Variants in TRAPPC13 observed in about 807,000 individuals in gnomAD.
TRAPPC13 encodes trafficking protein particle complex subunit 13, also known as REV7-interacting novel NHEJ regulator 1.
TRAPPC13 carries 39 observed loss-of-function variants against 54.0 expected under a neutral mutation model. The observed-to-expected ratio is 0.72, with a 90% CI of 0.56 to 0.94. The LOEUF (loss-of-function observed/expected upper bound fraction) is 0.94, where lower values mean the gene tolerates loss of function less well. Among genes scored for constraint, TRAPPC13 ranks in the 40% least tolerant of loss-of-function variants. TRAPPC13 has a pLI of 0.00. For synonymous variants in TRAPPC13, 148 were observed against 167.7 expected (o/e 0.88, Z 0.91); for missense variants, 386 against 488.1 (o/e 0.79, Z 1.97).
At chr5:65,635,208 G>A in intron 1 of TRAPPC13, 93 bp from the exon 2 acceptor site, 3 of 1,039,446 alleles carry the variant, frequency 2.9e-6, no homozygotes, top group Non-Finnish European at 2.8e-6. Context: ...TTTTATGTTA[G>A]TATAAAATGG....
At chr5:65,631,470 C>T (rs993171576) in intron 1 of TRAPPC13, among the ~76,000 whole-genome samples, 1 of 152,108 alleles carries the variant, frequency 6.6e-6, no homozygotes, top group African/African-American at 2.4e-5. Context: ...ATAGTTTTGT[C>T]ACCCATGTAA....
In TRAPPC13 at chr5:65,629,625, A is replaced by C. The variant is rs1263778895; in HGVS notation, c.46+4519A>C. 2.0e-6 allele frequency: 3 copies of C among 1,535,726 alleles called. No individual in the cohort carries two copies. In the Admixed American group the frequency reaches 5.9e-5, roughly 30 times the overall value. ...GTAATATTACATTATCGACCATGTG[A>C]GAGTGATCCCACACAACTGCCAAAA... On this transcript the variant is annotated intron_variant, in intron 1 of 12. Coordinates refer to ENST00000399438, the MANE Select transcript of TRAPPC13 (RefSeq NM_024941.4).
chr5:65,659,599 G>A (rs1305522304), intron 9 of TRAPPC13, among the ~76,000 whole-genome samples: 1 of 152,140 alleles, frequency 6.6e-6, no homozygotes, highest in African/African-American at 2.4e-5. Flanking sequence ...GGAATAGATG[G>A]TTTAATACTT....
rs1360362912 is a variant in TRAPPC13 at position 65,643,249 on chromosome 5, G to A, written c.301-3806G>A. On this transcript the variant is annotated intron_variant, in intron 4 of 12. Coordinates refer to ENST00000399438, the MANE Select transcript of TRAPPC13 (RefSeq NM_024941.4). Reference sequence around the variant, plus strand: ...TGTTCTTGTAATATTTCAGCTTATGGAACTTACTGATGATGTCTTATGACC... The same window carrying A: ...TGTTCTTGTAATATTTCAGCTTATGAAACTTACTGATGATGTCTTATGACC... Among the ~76,000 whole-genome samples the A allele has an allele frequency of 3.3e-5, 5 of 151,632 alleles. No homozygotes were observed. In the South Asian group the frequency reaches 6.2e-4, roughly 19 times the overall value.
rs1475546186 is a variant in TRAPPC13 at position 65,664,395 on chromosome 5, T to C, written c.1146+11T>C. The C allele has an allele frequency of 6.2e-7, 1 of 1,606,554 alleles. No homozygotes were observed. Among genetic ancestry groups the C allele is most frequent in the Non-Finnish European group, 8.5e-7 (1 of 1,176,560 alleles). ...GTACAGGGACTGCAAGTATGCTGTC[T>C]TTTCAAAAATTCCAATATTTGGGTG... On this transcript the variant is annotated intron_variant, in intron 12 of 12. Transcript: ENST00000399438.
intron 9 of TRAPPC13, among the ~76,000 whole-genome samples, chr5:65,659,967 C>CAAAAAAAAAAAA (rs141876171): frequency 1.4e-4 from 13 of 95,216 alleles, no homozygotes; most frequent in Non-Finnish European, 2.5e-4. Flanking sequence ...GTATTTTAAA[C>CAAAAAAAAAAAA]AAAAAAAAAA....
intron 4 of TRAPPC13, among the ~76,000 whole-genome samples, chr5:65,639,162 A>G (rs1432222734): frequency 6.6e-6 from 1 of 151,698 alleles, no homozygotes; most frequent in Non-Finnish European, 1.5e-5. Context: ...GGAAAGACCC[A>G]CCCCCATGAT....
chr5:65,632,981 A>T (rs1755603812), intron 1 of TRAPPC13, among the ~76,000 whole-genome samples: 1 of 152,202 alleles, frequency 6.6e-6, no homozygotes, highest in Non-Finnish European at 1.5e-5. Flanking sequence ...ACAAAACTGA[A>T]CGTAGTACAT....
chr5:65,660,692 C>G lies in TRAPPC13; in HGVS notation c.699-7C>G, dbSNP rs756363411. Reference sequence around the variant, plus strand: ...ATTTTCTCCGTCTCTGTCTCCACCCCTCTCAGTGTGTCTACGTTTGGGTCA... The same window carrying G: ...ATTTTCTCCGTCTCTGTCTCCACCCGTCTCAGTGTGTCTACGTTTGGGTCA... On this transcript the variant is annotated splice_polypyrimidine_tract_variant and splice_region_variant and intron_variant, in intron 9 of 12. Coordinates refer to ENST00000399438, the MANE Select transcript of TRAPPC13 (RefSeq NM_024941.4). The G allele has an allele frequency of 6.3e-7, 1 of 1,584,304 alleles. No individual in the cohort carries two copies. The highest frequency in any genetic ancestry group is 1.2e-5 in the South Asian group (1 of 85,770).
At chr5:65,650,560 C>T (rs1756390407) in intron 5 of TRAPPC13, among the ~76,000 whole-genome samples, 1 of 152,076 alleles carries the variant, frequency 6.6e-6, no homozygotes, top group African/African-American at 2.4e-5. Flanking sequence ...ATATATTTCA[C>T]CTTTCAGGTG....
At chr5:65,625,660 T>G (rs1233102445) in intron 1 of TRAPPC13, among the ~76,000 whole-genome samples, 1 of 152,242 alleles carries the variant, frequency 6.6e-6, no homozygotes, top group East Asian at 1.9e-4. Context: ...CACAGCCATT[T>G]TGAGTAAGTT....
chr5:65,628,694 G>A (rs27561), intron 1 of TRAPPC13, among the ~76,000 whole-genome samples: 32,455 of 151,736 alleles, frequency 0.21, 3,890 homozygotes, highest in Non-Finnish European at 0.27. Flanking sequence ...CTGGTCTCAA[G>A]CTCCTGACCT....
rs755259578 is a variant in TRAPPC13 at position 65,635,369 on chromosome 5, G to A, written c.115G>A (p.Gly39Arg). 3.1e-6 allele frequency: 5 copies of A among 1,612,016 alleles called. No homozygotes were observed. Among genetic ancestry groups the A allele is most frequent in the Non-Finnish European group, 4.2e-6 (5 of 1,178,566 alleles). ...PVTCEEKDLP[G>R]DLFNQLMRDD... Reference sequence around the variant, plus strand: ...AACATGTGAAGAGAAAGACTTACCTGGTATGGCACATGCTTTCCTCTATTT... The same window carrying A: ...AACATGTGAAGAGAAAGACTTACCTAGTATGGCACATGCTTTCCTCTATTT... Residue 39 changes from glycine to arginine, a missense_variant and splice_region_variant, in exon 2 of 13, where the codon GGA becomes AGA. Physicochemically the swap from Gly to Arg is moderately radical, Grantham distance 125. Coordinates refer to ENST00000399438, the MANE Select transcript of TRAPPC13 (RefSeq NM_024941.4).
chr5:65,648,808 A>T (rs1209103908), intron 5 of TRAPPC13, among the ~76,000 whole-genome samples: 1 of 152,166 alleles, frequency 6.6e-6, no homozygotes, highest in Non-Finnish European at 1.5e-5. Context: ...TATATATATA[A>T]AATAAATGTG....
rs201524074 is a variant in TRAPPC13 at position 65,664,567 on chromosome 5, G to A, written c.1210G>A (p.Ala404Thr). Residue 404 changes from alanine to threonine, a missense_variant, in exon 13 of 13, where the codon GCA becomes ACA. Transcript: ENST00000399438. ...LKRTYEYDDI[A>T]QVCVVSSAIK... is the part of the protein sequence containing the mutation. ...GAGAACATATGAATATGATGACATC[G>A]CACAAGTCTGTGTGGTATCTTCTGC... 99 of 1,612,444 alleles carry A rather than the reference G, an allele frequency of 6.1e-5. No individual in the cohort carries two copies. The highest frequency in any genetic ancestry group is 7.8e-5 in the Non-Finnish European group (92 of 1,179,560).
chr5:65,629,307 G>T (rs1755414690), intron 1 of TRAPPC13, among the ~76,000 whole-genome samples: 2 of 152,096 alleles, frequency 1.3e-5, no homozygotes, highest in Non-Finnish European at 2.9e-5. Flanking sequence ...GTAAGAGAAA[G>T]AATTTTCAGG....
At chr5:65,660,991 G>A (rs1450873919) in intron 10 of TRAPPC13, 94 bp downstream of exon 10, 3 of 1,056,144 alleles carry the variant, frequency 2.8e-6, no homozygotes, top group Non-Finnish European at 4.1e-6. Flanking sequence ...GTAAAAAATT[G>A]GAGCACTATA....
At chr5:65,662,980 T>C (rs1756897915) in intron 11 of TRAPPC13, 1 of 152,156 alleles carries the variant, frequency 6.6e-6, no homozygotes, top group South Asian at 2.1e-4. Flanking sequence ...GTGACACTCA[T>C]ATATTACTGT....
At chr5:65,658,336 C>T in intron 8 of TRAPPC13, 32 bp from the exon 9 acceptor site, 2 of 1,560,776 alleles carry the variant, frequency 1.3e-6, no homozygotes, top group South Asian at 2.4e-5. Flanking sequence ...AATGCCACCA[C>T]ACCTTGGTGG....
Sources: allele counts gnomAD v4.1 joint callset (sites outside exome capture counted in the v4.1 genomes callset), GRCh38; gene constraint gnomAD v4.1.1; transcripts MANE v1.5; gene names NCBI Gene and HGNC (gene_info 2026-07-23, HGNC 2026-07-21).